Variants in RYR2 observed in about 807,000 individuals in gnomAD.
RYR2 encodes the protein cardiac muscle ryanodine receptor-calcium release channel.
Under a neutral mutation model 601.1 loss-of-function variants are expected in RYR2, and 227 were observed. The observed-to-expected ratio is 0.38, with a 90% CI of 0.34 to 0.42. RYR2 has a LOEUF of 0.42. RYR2 is among the 10% of genes least tolerant of loss of function. RYR2 has a pLI of 1.00. For missense variants in RYR2, 4,646 were observed against 6,156.5 expected, an observed-to-expected ratio of 0.75 and a Z score of 8.21; for synonymous variants, 2,223 against 2,175.1, an observed-to-expected ratio of 1.02 and a Z score of -0.61.
chr1:237,293,737 C>T (rs533176719), intron 2 of RYR2, among the ~76,000 whole-genome samples: 1 of 152,314 alleles, frequency 6.6e-6, no homozygotes, highest in Admixed American at 6.5e-5. Flanking sequence ...GGAAGAGGCA[C>T]AGAGCTCCCA....
At position 237,614,547 on chromosome 1, in the gene RYR2, C is replaced by G. The variant is rs752863160; in HGVS notation, c.5419C>G (p.Arg1807Gly). The G allele has an allele frequency of 6.2e-7, 1 of 1,613,890 alleles. No homozygotes were observed. The highest frequency in any genetic ancestry group is 1.7e-5 in the Admixed American group (1 of 60,000). The part of the protein sequence containing the change: ...EAVKEGSLHA[R>G]DPVGGTTEFL... ...TGTTAAAGAGGGCAGTCTTCATGCC[C>G]GGGACCCAGTTGGAGGGACTACTGA... Residue 1807 changes from arginine to glycine, a missense_variant, in exon 37 of 105, where the codon CGG becomes GGG. This residue lies in a region of RYR2 where 1,807 missense variants were observed against 2,088.1 expected (regional missense o/e 0.87). Transcript: ENST00000366574. This position sits in a 1 kb window ranked among gnomAD's most constrained non-coding sequence, Gnocchi z 4.3.
intron 10 of RYR2, among the ~76,000 whole-genome samples, chr1:237,415,527 T>C (rs1227820341): frequency 6.6e-6 from 1 of 152,158 alleles, no homozygotes; most frequent in Non-Finnish European, 1.5e-5. Flanking sequence ...AAATTCAAAC[T>C]TGGACAAGCT....
At chr1:237,818,674 AAAC>A (rs1453829327) in intron 100 of RYR2, among the ~76,000 whole-genome samples, 4 of 152,008 alleles carry the variant, frequency 2.6e-5, no homozygotes, top group Non-Finnish European at 5.9e-5. Context: ...CAAAATAACC[AAAC>A]AATACAATAT....
chr1:237,045,130 T>C (rs557146991), intron 1 of RYR2, among the ~76,000 whole-genome samples: 1 of 152,334 alleles, frequency 6.6e-6, no homozygotes, highest in African/African-American at 2.4e-5. Flanking sequence ...ACATTTCATA[T>C]GTCCTGATTA....
intron 104 of RYR2, 124 bp from the exon 105 acceptor site, chr1:237,832,428 C>T: frequency 1.9e-6 from 1 of 535,566 alleles, no homozygotes; most frequent in African/African-American, 1.9e-5. Flanking sequence ...TAGTTAGGAA[C>T]CATCTAAATT....
Position 237,690,138 on chromosome 1 carries a change from A to C in RYR2, c.9067+2634A>C, listed in dbSNP as rs116480372. On this transcript the variant is annotated intron_variant, in intron 63 of 104. Transcript: ENST00000366574. ...AAGTGTGAGCCACCGTGCCTGGCCA[A>C]ATCTTTTAAGTCTTAAGCATTTAAG... Among the ~76,000 whole-genome samples, 623 of 152,236 alleles carry C rather than the reference A, an allele frequency of 4.1e-3. 5 individuals carry two copies. Among genetic ancestry groups the C allele is most frequent in the African/African-American group, 0.014 (588 of 41,550 alleles).
intron 1 of RYR2, among the ~76,000 whole-genome samples, chr1:237,115,125 T>G (rs2485557): frequency 0.49 from 74,280 of 152,022 alleles, 18,570 homozygotes; most frequent in East Asian, 0.62. Context: ...TGTCGGTACC[T>G]TTGCTGGCTG....
chr1:237,693,197 G>A (rs899631259), intron 63 of RYR2, among the ~76,000 whole-genome samples: 1 of 151,542 alleles, frequency 6.6e-6, no homozygotes, highest in African/African-American at 2.4e-5. Flanking sequence ...CCTACAATTG[G>A]TGAGAATCAT....
intron 28 of RYR2, among the ~76,000 whole-genome samples, chr1:237,567,707 T>A (rs1672237922): frequency 6.6e-6 from 1 of 152,114 alleles, no homozygotes; most frequent in Non-Finnish European, 1.5e-5. Flanking sequence ...TTCTTTTTTT[T>A]TTATTTTTTA....
At chr1:237,447,730 C>A (rs907721982) in intron 14 of RYR2, among the ~76,000 whole-genome samples, 2 of 151,008 alleles carry the variant, frequency 1.3e-5, no homozygotes, top group African/African-American at 4.9e-5. Context: ...GTACCTCACA[C>A]CTTTTGATTT....
chr1:237,184,410 C>T (rs1221807862), intron 1 of RYR2, among the ~76,000 whole-genome samples: 5 of 152,180 alleles, frequency 3.3e-5, no homozygotes, highest in African/African-American at 4.8e-5. Flanking sequence ...CCTCAAATTA[C>T]GGAATACAAT....
chr1:237,167,321 A>C (rs1676818417), intron 1 of RYR2, among the ~76,000 whole-genome samples: 1 of 152,176 alleles, frequency 6.6e-6, no homozygotes, highest in South Asian at 2.1e-4. Flanking sequence ...CCTTTTGATA[A>C]AAATTTCACA....
At chr1:237,774,775 A>G (rs1694524596) in intron 87 of RYR2, among the ~76,000 whole-genome samples, 1 of 152,198 alleles carries the variant, frequency 6.6e-6, no homozygotes, top group African/African-American at 2.4e-5. Context: ...CATGTCCTGA[A>G]TAAATAACAG....
At chr1:237,390,229 T>G (rs1398951192) in intron 10 of RYR2, among the ~76,000 whole-genome samples, 2 of 146,736 alleles carry the variant, frequency 1.4e-5, no homozygotes, top group African/African-American at 2.8e-5. Context: ...GAAGACAGAC[T>G]AAGTGTTTCT....
At chr1:237,798,835 C>A (rs1193629617) in intron 97 of RYR2, among the ~76,000 whole-genome samples, 2 of 150,606 alleles carry the variant, frequency 1.3e-5, no homozygotes. Context: ...ATACATACAT[C>A]CATTTAGCAA....
chr1:237,483,487 A>G (rs1031150650), intron 17 of RYR2, among the ~76,000 whole-genome samples: 1 of 151,970 alleles, frequency 6.6e-6, no homozygotes, highest in Non-Finnish European at 1.5e-5. Flanking sequence ...ACCTGCAAGG[A>G]CACAAAACTA....
intron 3 of RYR2, among the ~76,000 whole-genome samples, chr1:237,344,739 T>G (rs921864605): frequency 2.6e-5 from 4 of 152,230 alleles, no homozygotes; most frequent in Admixed American, 6.5e-5. Context: ...ATGGTTTTGT[T>G]CAATGTCCAT....
At chr1:237,572,860 T>G (rs1672840171) in intron 29 of RYR2, among the ~76,000 whole-genome samples, 1 of 152,096 alleles carries the variant, frequency 6.6e-6, no homozygotes, top group Admixed American at 6.6e-5. Flanking sequence ...TCCCCATCCC[T>G]CCTCTCCCAA....
chr1:237,808,912 C>T lies in RYR2; in HGVS notation c.14310C>T (p.Thr4770=), dbSNP rs372967537. 42 of 1,613,588 alleles carry T rather than the reference C, an allele frequency of 2.6e-5. No homozygotes were observed. Among genetic ancestry groups the T allele is most frequent in the African/African-American group, 1.2e-4 (9 of 75,004 alleles). ...VTHNGKQLVL[T]VGLLAVVVYL... ...ACATTGTTTTCCAGCTCGTATTAACCGTTGGCTTATTAGCTGTTGTTGTAT... is the reference window on the plus strand; with the variant it reads ...ACATTGTTTTCCAGCTCGTATTAACTGTTGGCTTATTAGCTGTTGTTGTAT... Residue 4770 remains threonine, a synonymous_variant, in exon 100 of 105, where the codon ACC becomes ACT. Transcript: ENST00000366574.
Sources: gnomAD v4.1 joint callset for allele counts (sites outside exome capture counted in the v4.1 genomes callset) on GRCh38, gnomAD v4.1.1 for gene constraint, gnomAD v4.1.1 regional missense constraint, Gnocchi (gnomAD v3.1) non-coding constraint, MANE v1.5 for transcripts, NCBI Gene and HGNC (gene_info 2026-07-23, HGNC 2026-07-21) for gene names.